The following PACRG variants were observed in gnomAD, a reference collection of about 807,000 sequenced individuals.
The protein encoded by PACRG is parkin coregulated.
In PACRG, 29 loss-of-function variants were observed where a neutral mutation model predicts 29.7. The observed-to-expected ratio is 0.98, with a 90% CI of 0.73 to 1.33. The LOEUF is 1.33. Among genes scored for constraint, PACRG ranks in the 40% most tolerant of loss-of-function variants. The probability of loss-of-function intolerance (pLI) is 0.00; values close to 1 mark genes in which losing one functional copy is unlikely to be tolerated. For missense variants in PACRG, 279 were observed against 316.2 expected, an observed-to-expected ratio of 0.88 and a Z score of 0.89; for synonymous variants, 116 against 118.7, an observed-to-expected ratio of 0.98 and a Z score of 0.15.
chr6:162,925,146 A>G (rs924788156), intron 2 of PACRG, among the ~76,000 whole-genome samples: 5 of 152,140 alleles, frequency 3.3e-5, no homozygotes, highest in African/African-American at 1.2e-4. Context: ...GACCAATAAC[A>G]AGTTCTGAAA....
chr6:163,055,253 G>A lies in PACRG; in HGVS notation c.292-6897G>A, dbSNP rs1810459766. ...CTGGGGATAGTGTGGAAATGGAGCA[G>A]TGGCTTTTCAGAAAAAGTACTTAAA... On this transcript the variant is annotated intron_variant, in intron 2 of 4. Coordinates refer to ENST00000366888, the MANE Select transcript of PACRG (RefSeq NM_001080379.2). This position sits in a 1 kb window ranked among gnomAD's most constrained non-coding sequence, Gnocchi z 4.0. Among the ~76,000 whole-genome samples, 1 of 152,158 alleles carries A rather than the reference G, an allele frequency of 6.6e-6. No homozygotes were observed. Among genetic ancestry groups the A allele is most frequent in the Non-Finnish European group, 1.5e-5 (1 of 68,028 alleles).
chr6:163,003,360 AT>A, intron 2 of PACRG, among the ~76,000 whole-genome samples: 1 of 152,336 alleles, frequency 6.6e-6, no homozygotes, highest in Middle Eastern at 3.4e-3. Flanking sequence ...TACTTGCATA[AT>A]TCCTGTAAGC....
intron 4 of PACRG, among the ~76,000 whole-genome samples, chr6:163,164,484 G>C (rs1222934550): frequency 6.6e-6 from 1 of 152,220 alleles, no homozygotes; most frequent in East Asian, 1.9e-4. Context: ...TCCACACTCA[G>C]TGGGCGCTGG....
intron 1 of PACRG, among the ~76,000 whole-genome samples, chr6:162,783,053 A>G (rs1784209737): frequency 6.6e-6 from 1 of 151,900 alleles, no homozygotes; most frequent in Non-Finnish European, 1.5e-5. Context: ...AAAATAACAC[A>G]AAACAAAAAT....
intron 4 of PACRG, among the ~76,000 whole-genome samples, chr6:163,140,156 A>G (rs1185781334): frequency 1.3e-5 from 2 of 152,218 alleles, no homozygotes; most frequent in South Asian, 2.1e-4. Flanking sequence ...TTTACATGCT[A>G]TGTACGAAGC....
At chr6:162,827,595 G>T (rs960036108) in intron 2 of PACRG, among the ~76,000 whole-genome samples, 58 of 152,208 alleles carry the variant, frequency 3.8e-4, no homozygotes, top group African/African-American at 1.3e-3. Flanking sequence ...AAGAAATTTT[G>T]CATGCTATTA....
At chr6:163,243,481 T>C (rs969782954) in intron 4 of PACRG, among the ~76,000 whole-genome samples, 1 of 152,216 alleles carries the variant, frequency 6.6e-6, no homozygotes, top group Non-Finnish European at 1.5e-5. Flanking sequence ...CCCAAGTCAC[T>C]TCCTGTGTGT....
chr6:163,050,963 C>T (rs369619187), intron 2 of PACRG, among the ~76,000 whole-genome samples: 1 of 152,194 alleles, frequency 6.6e-6, no homozygotes. Context: ...GTCCTTTCCT[C>T]TGGAGCTCCT....
intron 2 of PACRG, among the ~76,000 whole-genome samples, chr6:163,003,494 G>A (rs1393811907): frequency 1.3e-5 from 2 of 152,136 alleles, no homozygotes; most frequent in African/African-American, 4.8e-5. Context: ...GGAAAGTATA[G>A]ACAGCAGGAG....
chr6:163,014,033 A>T (rs146952460), intron 2 of PACRG, among the ~76,000 whole-genome samples: 3 of 152,184 alleles, frequency 2.0e-5, no homozygotes, highest in African/African-American at 7.2e-5. Context: ...ACATAGGAAC[A>T]TCTTCCTTAA....
intron 2 of PACRG, among the ~76,000 whole-genome samples, chr6:162,982,422 T>C (rs1331416040): frequency 6.6e-6 from 1 of 152,056 alleles, no homozygotes; most frequent in Non-Finnish European, 1.5e-5. Flanking sequence ...TTTTAGACTT[T>C]GCGACGTAGG....
intron 2 of PACRG, among the ~76,000 whole-genome samples, chr6:162,941,184 C>T (rs1338187501): frequency 6.6e-6 from 1 of 152,102 alleles, no homozygotes; most frequent in East Asian, 1.9e-4. Flanking sequence ...AAGCCCTCAT[C>T]CCACGGACTG....
chr6:163,285,799 A>C (rs1423050231), intron 4 of PACRG, among the ~76,000 whole-genome samples: 1 of 152,206 alleles, frequency 6.6e-6, no homozygotes, highest in Non-Finnish European at 1.5e-5. Context: ...TCTCAGGTAG[A>C]TGACAGCATC....
At chr6:162,838,149 G>C (rs1393195160) in intron 2 of PACRG, among the ~76,000 whole-genome samples, 2 of 152,044 alleles carry the variant, frequency 1.3e-5, no homozygotes, top group East Asian at 3.9e-4. Flanking sequence ...TTCAACGTAA[G>C]TATTTTTTCA....
chr6:163,097,852 T>C (rs1814742494), intron 4 of PACRG, among the ~76,000 whole-genome samples: 1 of 152,164 alleles, frequency 6.6e-6, no homozygotes, highest in Non-Finnish European at 1.5e-5. Flanking sequence ...GAAAATAAGT[T>C]GGCAGATGTA....
At chr6:162,943,443 C>A (rs1193967488) in intron 2 of PACRG, among the ~76,000 whole-genome samples, 5 of 152,118 alleles carry the variant, frequency 3.3e-5, no homozygotes, top group Non-Finnish European at 5.9e-5. Flanking sequence ...GCCACCACCA[C>A]CAGGCTGAAG....
chr6:163,181,566 T>C (rs1779663685), intron 4 of PACRG, among the ~76,000 whole-genome samples: 1 of 117,076 alleles, frequency 8.5e-6, no homozygotes, highest in Non-Finnish European at 1.6e-5. Flanking sequence ...TGGGTCCTCA[T>C]GGACAGGGGA....
At chr6:163,163,500 G>A (rs1268745615) in intron 4 of PACRG, among the ~76,000 whole-genome samples, 3 of 152,098 alleles carry the variant, frequency 2.0e-5, no homozygotes, top group Non-Finnish European at 1.5e-5. Flanking sequence ...TCAAACTCCG[G>A]ACCTCAGGTG....
At chr6:162,749,340 G>A (rs531590211) in intron 1 of PACRG, among the ~76,000 whole-genome samples, 2 of 152,248 alleles carry the variant, frequency 1.3e-5, no homozygotes, top group Admixed American at 6.5e-5. Flanking sequence ...ACTCCACCAT[G>A]TCAGCTTTTC....
Sources: allele counts gnomAD v4.1 joint callset (sites outside exome capture counted in the v4.1 genomes callset), GRCh38; gene constraint gnomAD v4.1.1; non-coding constraint Gnocchi (gnomAD v3.1); transcripts MANE v1.5; gene names NCBI Gene and HGNC (gene_info 2026-07-23, HGNC 2026-07-21).